Variants in ZNF827 observed in about 807,000 individuals in gnomAD.
ZNF827 encodes the protein zinc finger protein 827.
A neutral mutation model predicts 102.4 loss-of-function variants in ZNF827; 13 were observed. The observed-to-expected ratio is 0.13, with a 90% CI of 0.08 to 0.20. The LOEUF (loss-of-function observed/expected upper bound fraction) is 0.20. Among genes scored for constraint, ZNF827 ranks in the 10% least tolerant of loss-of-function variants. ZNF827 has a pLI of 1.00. For missense variants in ZNF827, 1,103 were observed against 1,344.4 expected, an observed-to-expected ratio of 0.82 and a Z score of 2.81; for synonymous variants, 523 against 536.2, an observed-to-expected ratio of 0.98 and a Z score of 0.34.
At chr4:145,846,489 C>CAA (rs1344674167) in intron 6 of ZNF827, among the ~76,000 whole-genome samples, 10 of 140,494 alleles carry the variant, frequency 7.1e-5, no homozygotes, top group African/African-American at 2.7e-4. Context: ...AACAAACAAA[C>CAA]AAACAAAAAA....
intron 1 of ZNF827, 93 bp downstream of exon 1, chr4:145,938,272 A>G (rs1440511580): frequency 5.4e-6 from 8 of 1,481,100 alleles, no homozygotes; most frequent in Non-Finnish European, 7.6e-6. Flanking sequence ...ACCCTAAACT[A>G]ATGCAGAAAA....
At chr4:145,837,955 C>G (rs1468313744) in intron 7 of ZNF827, among the ~76,000 whole-genome samples, 222 of 152,210 alleles carry the variant, frequency 1.5e-3, no homozygotes, top group Non-Finnish European at 2.2e-3. Context: ...TGAGAAACAT[C>G]GCCCATTCTC....
chr4:145,917,700 CAAAAAAAA>C lies in ZNF827; in HGVS notation c.44-14493_44-14486del, dbSNP rs763617063. ...AAGGCTCAACTCCAAGGTAGCTGGTCAAAAAAAAAAAAAAAAAAAAAAAAAAGAAAAGA... is the reference window on the plus strand; with the variant it reads ...AAGGCTCAACTCCAAGGTAGCTGGTCAAAAAAAAAAAAAAAAAAGAAAAGA... On this transcript the variant is annotated intron_variant, in intron 1 of 14. Transcript: ENST00000508784. Among the ~76,000 whole-genome samples the C allele has an allele frequency of 0.012, 577 of 46,854 alleles. 12 individuals are homozygous for C. In the East Asian group the frequency reaches 0.14, roughly 12 times the overall value. 30.7% of individuals were successfully genotyped at this position (46,854 alleles called of 152,430 possible). A position where few individuals can be genotyped will look rare whatever the true frequency, so the allele number is the denominator to read the frequency against.
chr4:145,791,639 T>G (rs1459302921), intron 8 of ZNF827, among the ~76,000 whole-genome samples: 2 of 152,212 alleles, frequency 1.3e-5, no homozygotes, highest in Non-Finnish European at 2.9e-5. Context: ...ACACATATAC[T>G]TTCTTTAATG....
intron 8 of ZNF827, among the ~76,000 whole-genome samples, chr4:145,783,474 T>C (rs1738396791): frequency 6.6e-6 from 1 of 152,240 alleles, no homozygotes; most frequent in Admixed American, 6.5e-5. Flanking sequence ...GCCATACTCC[T>C]AAAGGCTCTA....
chr4:145,885,124 A>G (rs552097785), intron 4 of ZNF827, among the ~76,000 whole-genome samples: 30 of 152,252 alleles, frequency 2.0e-4, no homozygotes, highest in Non-Finnish European at 4.3e-4. Flanking sequence ...ACAGTTTGCC[A>G]TAATAAAAAA....
At chr4:145,844,677 C>CAAATAAAT (rs72118300) in intron 7 of ZNF827, among the ~76,000 whole-genome samples, 19 of 128,416 alleles carry the variant, frequency 1.5e-4, no homozygotes, top group Non-Finnish European at 1.8e-4. Flanking sequence ...GAGACTGTCT[C>CAAATAAAT]AAATAAATAA....
intron 1 of ZNF827, among the ~76,000 whole-genome samples, chr4:145,933,270 A>C (rs1215200363): frequency 1.2e-4 from 19 of 152,292 alleles, no homozygotes. Flanking sequence ...ATCAATCTAG[A>C]CTGCTTCTGG....
At chr4:145,883,426 T>A (rs1749843723) in intron 4 of ZNF827, among the ~76,000 whole-genome samples, 1 of 152,212 alleles carries the variant, frequency 6.6e-6, no homozygotes, top group African/African-American at 2.4e-5. Context: ...CAGATCACAA[T>A]ATAAGGCTTT....
intron 9 of ZNF827, among the ~76,000 whole-genome samples, chr4:145,778,555 T>C (rs1216777802): frequency 6.6e-6 from 1 of 152,154 alleles, no homozygotes; most frequent in Non-Finnish European, 1.5e-5. Flanking sequence ...GAGGTTGCAG[T>C]TAGCTGGGAT....
intron 8 of ZNF827, among the ~76,000 whole-genome samples, chr4:145,786,581 G>A (rs1246084250): frequency 6.6e-6 from 1 of 152,150 alleles, no homozygotes; most frequent in Non-Finnish European, 1.5e-5. Context: ...GTCTTGGATA[G>A]GTTAAAACCT....
chr4:145,782,684 CAT>C (rs1172301317), intron 8 of ZNF827, among the ~76,000 whole-genome samples: 1 of 152,224 alleles, frequency 6.6e-6, no homozygotes, highest in African/African-American at 2.4e-5. Context: ...CAAATCTCAT[CAT>C]GTCTTGTTCT....
intron 8 of ZNF827, among the ~76,000 whole-genome samples, chr4:145,808,477 T>C (rs1741702922): frequency 6.6e-6 from 1 of 152,208 alleles, no homozygotes; most frequent in Non-Finnish European, 1.5e-5. Flanking sequence ...GACTCATTCC[T>C]AGATACTTAG....
At chr4:145,797,861 C>T (rs1383354898) in intron 8 of ZNF827, among the ~76,000 whole-genome samples, 9 of 152,116 alleles carry the variant, frequency 5.9e-5, no homozygotes, top group African/African-American at 9.7e-5. Context: ...ACATTTTTAG[C>T]CAGCCTAGAA....
chr4:145,919,119 T>G (rs932478491), intron 1 of ZNF827, among the ~76,000 whole-genome samples: 5 of 152,046 alleles, frequency 3.3e-5, no homozygotes, highest in East Asian at 1.9e-4. Context: ...TACCCAGGAC[T>G]GGTGGCATAC....
Position 145,763,652 on chromosome 4 carries a change from C to T in ZNF827, c.3231-530G>A, listed in dbSNP as rs1473185090. Among the ~76,000 whole-genome samples, 2 of 152,216 alleles carry T rather than the reference C, an allele frequency of 1.3e-5. No individual in the cohort carries two copies. The highest frequency in any genetic ancestry group is 2.9e-5 in the Non-Finnish European group (2 of 68,046). On this transcript the variant is annotated intron_variant, in intron 13 of 14. Transcript: ENST00000508784. The surrounding 1 kb of genome is among the most constrained non-coding windows in gnomAD (Gnocchi z 4.6). ...AATGTTCATGGGTGTGACTGGGCTACTGGGAAGGGCAGTGAGCACTGGTCC... is the reference window on the plus strand; with the variant it reads ...AATGTTCATGGGTGTGACTGGGCTATTGGGAAGGGCAGTGAGCACTGGTCC...
At chr4:145,851,106 T>C (rs1328411665) in intron 5 of ZNF827, among the ~76,000 whole-genome samples, 3 of 152,182 alleles carry the variant, frequency 2.0e-5, no homozygotes, top group African/African-American at 7.2e-5. Context: ...CACTGGAAGC[T>C]GCAAGAGGCA....
At chr4:145,774,740 T>C in intron 10 of ZNF827, 68 bp from the exon 11 acceptor site, 1 of 1,531,260 alleles carries the variant, frequency 6.5e-7, no homozygotes, top group South Asian at 1.2e-5. Flanking sequence ...ATGTAGGCTG[T>C]CCATTTATAC....
intron 8 of ZNF827, among the ~76,000 whole-genome samples, chr4:145,814,063 C>T (rs893547897): frequency 5.3e-5 from 8 of 152,120 alleles, no homozygotes; most frequent in African/African-American, 1.7e-4. Context: ...ACCCCAAATC[C>T]GAAATGCTCA....
Sources: allele counts gnomAD v4.1 joint callset (sites outside exome capture counted in the v4.1 genomes callset), GRCh38; gene constraint gnomAD v4.1.1; non-coding constraint Gnocchi (gnomAD v3.1); transcripts MANE v1.5; gene names NCBI Gene and HGNC (gene_info 2026-07-23, HGNC 2026-07-21).